SLC7A1: variants seen among roughly 807,000 people sequenced by gnomAD.
The protein encoded by SLC7A1 is high affinity cationic amino acid transporter 1.
A neutral mutation model predicts 53.9 loss-of-function variants in SLC7A1; 10 were observed. That is an observed-to-expected ratio of 0.19 (90% CI 0.11 to 0.31). The LOEUF is 0.31. Ranked by LOEUF, SLC7A1 falls within the 10% of genes least tolerant of loss-of-function variation. The pLI is 1.00. For synonymous variants in SLC7A1, 342 were observed against 338.7 expected (o/e 1.01, Z -0.11); for missense variants, 525 against 827.2 (o/e 0.63, Z 4.48).
Position 29,517,263 on chromosome 13 carries a change from C to T in SLC7A1, c.1558G>A (p.Ala520Thr). The T allele has an allele frequency of 1.2e-6, 2 of 1,613,320 alleles. No individual in the cohort carries two copies. Among genetic ancestry groups the T allele is most frequent in the Non-Finnish European group, 1.7e-6 (2 of 1,179,706 alleles). The change falls in exon 11 of 13, where the codon GCT becomes ACT. Residue 520 changes from alanine (A) to threonine (T), a missense_variant. By Grantham distance (58) the Ala-to-Thr change is moderately conservative. Coordinates refer to ENST00000380752, the MANE Select transcript of SLC7A1 (RefSeq NM_003045.5). ...FCIVTVLGRE[A>T]LTKGALWAVF... is the part of the protein sequence containing the mutation. ...GCCCACAGCGCCCCTTTGGTGAGAG[C>T]CTCCCTTCCAAGCACGGTCACAATG...
rs1320896812 is a variant in SLC7A1, at chr13:29,509,789, CAGT to C, written c.*4688_*4690del. 6.6e-6 allele frequency: 1 copy of C among 152,450 alleles called. No homozygotes were observed. The highest frequency in any genetic ancestry group is 6.5e-5 in the Admixed American group (1 of 15,272). 9.4% of individuals were successfully genotyped at this position (152,450 alleles called of 1,614,324 possible). A position where few individuals can be genotyped will look rare whatever the true frequency, so the allele number is the denominator to read the frequency against. ...CAACTCTTAATAATGGCTCCATGTT[CAGT>C]AGAAGAAAATATTTACTGGAGAAAC... On this transcript the variant is annotated 3_prime_UTR_variant, in exon 13 of 13. Coordinates refer to ENST00000380752, the MANE Select transcript of SLC7A1 (RefSeq NM_003045.5).
intron 2 of SLC7A1, among the ~76,000 whole-genome samples, chr13:29,547,757 C>G (rs1204294682): frequency 6.6e-6 from 1 of 152,214 alleles, no homozygotes; most frequent in African/African-American, 2.4e-5. Context: ...TCGAGTCTGT[C>G]TAGGAGAAGC....
rs1326961927 is a variant in SLC7A1 at position 29,514,539 on chromosome 13, C to T, written c.1831G>A (p.Ala611Thr). Residue 611 changes from alanine (A) to threonine (T), a missense_variant, in exon 13 of 13, where the codon GCG (alanine) becomes ACG (threonine). Coordinates refer to ENST00000380752, the MANE Select transcript of SLC7A1 (RefSeq NM_003045.5). ...CTTGCTTGGTCGGCATCCAGGGACG[C>T]CTCCTCGCTGTGCCACAGGCCATAG... The part of the protein sequence containing the change: ...FGYGLWHSEE[A>T]SLDADQARTP... 1.9e-6 allele frequency: 3 copies of T among 1,611,258 alleles called. No individual in the cohort carries two copies. Among genetic ancestry groups the T allele is most frequent in the South Asian group, 1.1e-5 (1 of 91,040 alleles).
At position 29,514,368 on chromosome 13, in the gene SLC7A1, G is replaced by C. The variant is rs1280288116; in HGVS notation, c.*112C>G. 2.8e-6 allele frequency: 2 copies of C among 707,774 alleles called. No homozygotes were observed. Among genetic ancestry groups the C allele is most frequent in the Non-Finnish European group, 4.9e-6 (2 of 409,532 alleles). 43.8% of individuals were successfully genotyped at this position (707,774 alleles called of 1,614,324 possible). A position where few individuals can be genotyped will look rare whatever the true frequency, so the allele number is the denominator to read the frequency against. ...GTAATTGCACCTTTGGCTGCAGTGA[G>C]GGTGTGGACGCAGGTGGTTTCTGTT... On this transcript the variant is annotated 3_prime_UTR_variant, in exon 13 of 13. Coordinates refer to ENST00000380752, the MANE Select transcript of SLC7A1 (RefSeq NM_003045.5).
At chr13:29,519,863 G>C (rs879405619) in intron 8 of SLC7A1, among the ~76,000 whole-genome samples, 5 of 152,132 alleles carry the variant, frequency 3.3e-5, no homozygotes, top group Admixed American at 6.5e-5. Flanking sequence ...CATTCACAAA[G>C]GTTAGGAGAC....
intron 8 of SLC7A1, among the ~76,000 whole-genome samples, chr13:29,521,498 G>A (rs1171665160): frequency 3.9e-5 from 6 of 152,152 alleles, no homozygotes; most frequent in East Asian, 1.9e-4. Flanking sequence ...GCACATCCTC[G>A]CTTCACCTCC....
intron 7 of SLC7A1, among the ~76,000 whole-genome samples, chr13:29,522,865 A>G (rs1868694333): frequency 6.6e-6 from 1 of 152,226 alleles, no homozygotes. Flanking sequence ...GGCTAAGAGG[A>G]AATACGATTG....
chr13:29,575,275 C>G (rs1871363948), intron 1 of SLC7A1, among the ~76,000 whole-genome samples: 1 of 152,102 alleles, frequency 6.6e-6, no homozygotes, highest in African/African-American at 2.4e-5. Context: ...ATTATTCTAC[C>G]CGGTGCCAAT....
chr13:29,555,057 C>T (rs1259848148), intron 1 of SLC7A1, among the ~76,000 whole-genome samples: 2 of 152,096 alleles, frequency 1.3e-5, no homozygotes, highest in East Asian at 3.9e-4. Context: ...CAATAAGTAA[C>T]TGCTAAGAAT....
chr13:29,549,582 T>A (rs530671992), intron 2 of SLC7A1, among the ~76,000 whole-genome samples: 3 of 152,322 alleles, frequency 2.0e-5, no homozygotes, highest in South Asian at 4.1e-4. Flanking sequence ...ATCAAAATTG[T>A]TCCTTTTTTG....
At position 29,523,440 on chromosome 13, in the gene SLC7A1, G is replaced by T; in HGVS notation, c.875C>A (p.Ala292Glu). 1 of 1,614,004 alleles carries T rather than the reference G, an allele frequency of 6.2e-7. No individual in the cohort carries two copies. The highest frequency in any genetic ancestry group is 8.5e-7 in the Non-Finnish European group (1 of 1,180,026). The stretch of plus-strand genomic sequence containing the variant: ...GGCGATGAAGCAGATCAAGAGGGAC[G>T]CCACGATCCCCACGGGGATGGCCTT... The part of the protein sequence containing the change: ...PQKAIPVGIV[A>E]SLLICFIAYF... Residue 292 changes from alanine (A) to glutamate (E), a missense_variant, in exon 7 of 13, where the codon GCG (alanine) becomes GAG (glutamate). Physicochemically the swap from Ala to Glu is moderately radical, Grantham distance 107. This residue lies in a region of SLC7A1 where 354 missense variants were observed against 587.5 expected (regional missense o/e 0.60). Transcript: ENST00000380752.
chr13:29,557,373 C>A (rs1870483869), intron 1 of SLC7A1, among the ~76,000 whole-genome samples: 3 of 152,098 alleles, frequency 2.0e-5, no homozygotes, highest in African/African-American at 7.2e-5. Flanking sequence ...CTTGTGTGAA[C>A]ATCCTGGAGT....
chr13:29,581,519 A>G (rs1172269275), intron 1 of SLC7A1, among the ~76,000 whole-genome samples: 2 of 152,238 alleles, frequency 1.3e-5, no homozygotes, highest in Non-Finnish European at 2.9e-5. Context: ...ACCTTTAGCC[A>G]GCCACTTCTA....
At chr13:29,563,394 T>A (rs887666281) in intron 1 of SLC7A1, among the ~76,000 whole-genome samples, 3 of 152,248 alleles carry the variant, frequency 2.0e-5, no homozygotes, top group Non-Finnish European at 4.4e-5. Flanking sequence ...CTATTTAAAT[T>A]GTAATATTAA....
chr13:29,523,561 G>A, intron 6 of SLC7A1, 73 bp from the exon 7 acceptor site: 1 of 1,131,894 alleles, frequency 8.8e-7, no homozygotes, highest in Non-Finnish European at 1.3e-6. Flanking sequence ...GACACCCAAG[G>A]CCTCTCAGTG....
chr13:29,546,167 G>A (rs533761628), intron 2 of SLC7A1, among the ~76,000 whole-genome samples: 1 of 152,336 alleles, frequency 6.6e-6, no homozygotes, highest in South Asian at 2.1e-4. Context: ...TGCCTCGCAA[G>A]TGCAGCGTCA....
At chr13:29,584,607 A>G (rs573929197) in intron 1 of SLC7A1, among the ~76,000 whole-genome samples, 1 of 152,320 alleles carries the variant, frequency 6.6e-6, no homozygotes, top group Admixed American at 6.5e-5. Context: ...GAGGCCATTT[A>G]TCTTGTTCTA....
At position 29,518,050 on chromosome 13, in the gene SLC7A1, C is replaced by T. The variant is rs561638569; in HGVS notation, c.1293-260G>A. Among the ~76,000 whole-genome samples, 8 of 152,322 alleles carry T rather than the reference C, an allele frequency of 5.3e-5. No homozygotes were observed. The East Asian group carries it at 5.8e-4, about 11-fold the overall frequency. ...CCACCATGAGCAGCCCAGAGGAATA[C>T]CCTGAGAGGATCTCTCTTGCTCTGA... On this transcript the variant is annotated intron_variant, in intron 9 of 12. Coordinates refer to ENST00000380752, the MANE Select transcript of SLC7A1 (RefSeq NM_003045.5).
At chr13:29,564,971 G>A (rs900867787) in intron 1 of SLC7A1, among the ~76,000 whole-genome samples, 1 of 152,158 alleles carries the variant, frequency 6.6e-6, no homozygotes, top group African/African-American at 2.4e-5. Flanking sequence ...AAATTTCTCT[G>A]CCAAATAGCT....
Sources: gnomAD v4.1 joint callset for allele counts (sites outside exome capture counted in the v4.1 genomes callset) on GRCh38, gnomAD v4.1.1 for gene constraint, gnomAD v4.1.1 regional missense constraint, MANE v1.5 for transcripts, NCBI Gene and HGNC (gene_info 2026-07-23, HGNC 2026-07-21) for gene names.